Variants in CCDC60 observed in about 807,000 individuals in gnomAD.
CCDC60 encodes coiled-coil domain containing 60, also known as coiled-coil domain-containing protein 60.
CCDC60 carries 54 observed loss-of-function variants against 63.5 expected under a neutral mutation model. The ratio of observed to expected loss-of-function variants is 0.85; its 90% confidence interval spans 0.68 to 1.07. The LOEUF is 1.07. Ranked by LOEUF, CCDC60 falls within the 50% of genes least tolerant of loss-of-function variation. The pLI is 0.00. For synonymous variants in CCDC60, 206 were observed against 238.8 expected (o/e 0.86, Z 1.27); for missense variants, 651 against 684.3 (o/e 0.95, Z 0.54).
intron 1 of CCDC60, among the ~76,000 whole-genome samples, chr12:119,339,407 G>C (rs1955508575): frequency 6.6e-6 from 1 of 152,184 alleles, no homozygotes. Flanking sequence ...AGAGAGAAAA[G>C]CAGCATCCCT....
chr12:119,411,257 A>G (rs1956594545), intron 1 of CCDC60, among the ~76,000 whole-genome samples: 1 of 152,182 alleles, frequency 6.6e-6, no homozygotes, highest in Admixed American at 6.5e-5. Flanking sequence ...GTGTCTCTGT[A>G]AGACATTTTT....
At chr12:119,516,158 T>A (rs1952347091) in intron 7 of CCDC60, among the ~76,000 whole-genome samples, 1 of 152,174 alleles carries the variant, frequency 6.6e-6, no homozygotes, top group Non-Finnish European at 1.5e-5. Context: ...CAGGCTGGAG[T>A]GCAGTGGCAT....
intron 2 of CCDC60, among the ~76,000 whole-genome samples, chr12:119,463,689 G>A (rs944190960): frequency 1.3e-5 from 2 of 152,354 alleles, no homozygotes; most frequent in South Asian, 4.1e-4. Flanking sequence ...TTATGTGAAT[G>A]CTTTGCAGCA....
intron 5 of CCDC60, among the ~76,000 whole-genome samples, chr12:119,497,493 A>G (rs1387098312): frequency 6.6e-6 from 1 of 152,084 alleles, no homozygotes; most frequent in East Asian, 1.9e-4. Flanking sequence ...TGCATTTTGA[A>G]CTCATTTAGC....
intron 1 of CCDC60, among the ~76,000 whole-genome samples, chr12:119,344,855 T>TCTCA (rs1232194303): frequency 0.032 from 3,652 of 114,804 alleles, 83 homozygotes; most frequent in East Asian, 0.16. Flanking sequence ...TCTCTCTCTC[T>TCTCA]CACACACACA....
intron 7 of CCDC60, among the ~76,000 whole-genome samples, chr12:119,516,014 G>A (rs1952343007): frequency 6.6e-6 from 1 of 152,176 alleles, no homozygotes; most frequent in Admixed American, 6.5e-5. Flanking sequence ...AGGGAAGGGA[G>A]ATGAAATGGG....
Position 119,396,327 on chromosome 12 carries a change from G to A in CCDC60, c.91-32356G>A, listed in dbSNP as rs1956254003. 3.3e-5 allele frequency among the ~76,000 whole-genome samples: 5 copies of A among 152,264 alleles called. No individual in the cohort carries two copies. The South Asian group carries it at 1.0e-3, about 32-fold the overall frequency. On this transcript the variant is annotated intron_variant, in intron 1 of 13. Transcript: ENST00000327554. ...TATCTTGACTAATTACATCTGCAAA[G>A]GTAACATATAAGGTCCCATTCTGGG...
chr12:119,373,745 G>A (rs990802663), intron 1 of CCDC60, among the ~76,000 whole-genome samples: 1 of 152,074 alleles, frequency 6.6e-6, no homozygotes, highest in Non-Finnish European at 1.5e-5. Context: ...TCTCATTAAT[G>A]GAAGCTTGGC....
chr12:119,352,488 T>C (rs1042308025), intron 1 of CCDC60, among the ~76,000 whole-genome samples: 1 of 152,222 alleles, frequency 6.6e-6, no homozygotes, highest in African/African-American at 2.4e-5. Context: ...AATTTAAATA[T>C]GTTTATAAGA....
At chr12:119,519,438 C>CAT (rs1555255228) in intron 8 of CCDC60, among the ~76,000 whole-genome samples, 21 of 83,378 alleles carry the variant, frequency 2.5e-4, no homozygotes, top group African/African-American at 7.6e-4. Flanking sequence ...TGTGTGTGCG[C>CAT]GTGTGTGTGT....
At chr12:119,418,137 TC>T (rs1350615697) in intron 1 of CCDC60, among the ~76,000 whole-genome samples, 5 of 152,184 alleles carry the variant, frequency 3.3e-5, no homozygotes, top group Admixed American at 1.3e-4. Flanking sequence ...TCCATATTTT[TC>T]ATATGTATGT....
intron 5 of CCDC60, 126 bp from the exon 6 acceptor site, chr12:119,499,952 A>G: frequency 2.7e-6 from 2 of 747,194 alleles, no homozygotes; most frequent in Non-Finnish European, 4.8e-6. Flanking sequence ...CAAGTAGAGG[A>G]GTGGGGGAGG....
chr12:119,406,256 C>T (rs576708534), intron 1 of CCDC60, among the ~76,000 whole-genome samples: 4 of 151,700 alleles, frequency 2.6e-5, no homozygotes, highest in African/African-American at 7.3e-5. Flanking sequence ...CCCTAGACAG[C>T]GTCTTTGACT....
In CCDC60 at chr12:119,450,414, T is replaced by A. The variant is rs187151610; in HGVS notation, c.171-21580T>A. Among the ~76,000 whole-genome samples the A allele has an allele frequency of 2.7e-4, 41 of 152,274 alleles. No homozygotes were observed. In the East Asian group the frequency reaches 6.6e-3, roughly 24 times the overall value. On this transcript the variant is annotated intron_variant, in intron 2 of 13. Transcript: ENST00000327554. ...CTTCTACCCCCTAAATCCATTAAAA[T>A]TTTTTAAAAATTTTTAAAATAAAGG...
chr12:119,503,089 A>G (rs1951896137), intron 6 of CCDC60, among the ~76,000 whole-genome samples: 9 of 152,144 alleles, frequency 5.9e-5, no homozygotes, highest in Admixed American at 5.9e-4. Context: ...AGGCAGGAGA[A>G]TAGCTCAAAC....
At chr12:119,487,106 C>T (rs1951464087) in intron 4 of CCDC60, among the ~76,000 whole-genome samples, 2 of 152,092 alleles carry the variant, frequency 1.3e-5, no homozygotes, top group Admixed American at 1.3e-4. Context: ...ACCACTGCAT[C>T]AGCTTCATCA....
chr12:119,464,852 G>A (rs142006522), intron 2 of CCDC60, among the ~76,000 whole-genome samples: 24 of 152,298 alleles, frequency 1.6e-4, no homozygotes, highest in African/African-American at 5.8e-4. Flanking sequence ...ATGATGATGT[G>A]CAGAAACTGC....
At chr12:119,429,185 T>C (rs1956953660) in intron 2 of CCDC60, among the ~76,000 whole-genome samples, 1 of 152,110 alleles carries the variant, frequency 6.6e-6, no homozygotes, top group African/African-American at 2.4e-5. Context: ...TTTCCCTATC[T>C]GTAAAATGAG....
intron 1 of CCDC60, among the ~76,000 whole-genome samples, chr12:119,415,289 G>T (rs532639589): frequency 1.4e-3 from 218 of 152,302 alleles, no homozygotes; most frequent in African/African-American, 5.0e-3. Context: ...AATTGAAAGT[G>T]AACTGATAGC....
Sources: gnomAD v4.1 joint callset for allele counts (sites outside exome capture counted in the v4.1 genomes callset) on GRCh38, gnomAD v4.1.1 for gene constraint, MANE v1.5 for transcripts, NCBI Gene and HGNC (gene_info 2026-07-23, HGNC 2026-07-21) for gene names.